The following LYPLAL1 variants were observed in gnomAD, a reference collection of about 807,000 sequenced individuals.
LYPLAL1 encodes lysophospholipase like 1, also known as lysophospholipase-like protein 1.
LYPLAL1 carries 23 observed loss-of-function variants against 19.7 expected under a neutral mutation model. The ratio of observed to expected loss-of-function variants is 1.17; its 90% confidence interval spans 0.84 to 1.65. LYPLAL1 has a LOEUF of 1.65. Among genes scored for constraint, LYPLAL1 ranks in the 40% most tolerant of loss-of-function variants. The probability of loss-of-function intolerance (pLI) is 0.00; values close to 1 mark genes in which losing one functional copy is unlikely to be tolerated. For synonymous variants in LYPLAL1, 119 were observed against 96.3 expected (o/e 1.24, Z -1.38); for missense variants, 355 against 279.4 (o/e 1.27, Z -1.93).
At chr1:219,185,144 C>T (rs541865108) in intron 2 of LYPLAL1, among the ~76,000 whole-genome samples, 8 of 151,954 alleles carry the variant, frequency 5.3e-5, no homozygotes, top group Middle Eastern at 3.4e-3. Flanking sequence ...TTGTATTTCT[C>T]ATGAAATTTG....
the LYPLAL1 span, among the ~76,000 whole-genome samples, chr1:219,399,780 A>T: frequency 6.6e-6 from 1 of 152,132 alleles, no homozygotes; most frequent in Non-Finnish European, 1.5e-5. Flanking sequence ...GACCAGCCCC[A>T]TCTGATGAGC....
At position 219,193,091 on chromosome 1, in the gene LYPLAL1, T is replaced by G; in HGVS notation, c.201T>G (p.Thr67=). Residue 67 remains threonine, a synonymous_variant, in exon 3 of 5, where the codon ACT becomes ACG. Coordinates refer to ENST00000366928, the MANE Select transcript of LYPLAL1 (RefSeq NM_138794.5). ...GGCGGTTGTTAAACAGATCATATAC[T>G]CCTATGAAAGGAGGAATCTCCAATG... ...IYPTAPPRSY[T]PMKGGISNVW... 6.4e-7 allele frequency: 1 copy of G among 1,565,946 alleles called. No individual in the cohort carries two copies. Among genetic ancestry groups the G allele is most frequent in the African/African-American group, 1.4e-5 (1 of 73,292 alleles).
intron 2 of LYPLAL1, among the ~76,000 whole-genome samples, chr1:219,180,484 T>G (rs1227243764): frequency 6.6e-6 from 1 of 152,200 alleles, no homozygotes; most frequent in Non-Finnish European, 1.5e-5. Context: ...TCAAAGGAGT[T>G]ATTATTTAAA....
the LYPLAL1 span, among the ~76,000 whole-genome samples, chr1:219,377,732 A>G: frequency 6.6e-6 from 1 of 152,132 alleles, no homozygotes; most frequent in African/African-American, 2.4e-5. Flanking sequence ...TTTTCTTTTT[A>G]TTTAAAGAAA....
At chr1:219,354,281 C>G in the LYPLAL1 span, among the ~76,000 whole-genome samples, 1 of 152,200 alleles carries the variant, frequency 6.6e-6, no homozygotes, top group Non-Finnish European at 1.5e-5. Context: ...ACTGGAACCT[C>G]CACCTCCCAG....
chr1:219,356,562 CA>C, the LYPLAL1 span, among the ~76,000 whole-genome samples: 1 of 152,054 alleles, frequency 6.6e-6, no homozygotes, highest in Non-Finnish European at 1.5e-5. Flanking sequence ...AAAATTAATC[CA>C]TTGCCTATTA....
chr1:219,353,147 C>T, the LYPLAL1 span, among the ~76,000 whole-genome samples: 1 of 152,122 alleles, frequency 6.6e-6, no homozygotes, highest in Non-Finnish European at 1.5e-5. Flanking sequence ...CAGATTTTTG[C>T]CTGGAGGCAT....
At chr1:219,366,006 C>T in the LYPLAL1 span, among the ~76,000 whole-genome samples, 1 of 152,088 alleles carries the variant, frequency 6.6e-6, no homozygotes, top group African/African-American at 2.4e-5. Flanking sequence ...GTGTATTGGA[C>T]CTTATCTCAG....
chr1:219,261,033 G>A, the LYPLAL1 span, among the ~76,000 whole-genome samples: 8 of 151,836 alleles, frequency 5.3e-5, no homozygotes, highest in African/African-American at 1.7e-4. Context: ...CATATCAAAA[G>A]CAATGAAAAA....
chr1:219,241,130 C>CTATATATATATATA, the LYPLAL1 span, among the ~76,000 whole-genome samples: 1 of 71,106 alleles, frequency 1.4e-5, no homozygotes. Flanking sequence ...CTCTCTCTCT[C>CTATATATATATATA]TCTCTATATA....
At chr1:219,200,683 C>CA in intron 3 of LYPLAL1, 1 of 244,426 alleles carries the variant, frequency 4.1e-6, no homozygotes, top group South Asian at 6.0e-5. Context: ...ACTCGGCAGC[C>CA]AAAAGAGCTA....
At chr1:219,211,451 G>T in intron 4 of LYPLAL1, 41 bp from the exon 5 acceptor site, 2 of 1,274,582 alleles carry the variant, frequency 1.6e-6, no homozygotes, top group South Asian at 2.8e-5. Flanking sequence ...ATCTTAAATG[G>T]AATTTCTTAA....
chr1:219,405,778 T>G, the LYPLAL1 span, among the ~76,000 whole-genome samples: 3 of 152,130 alleles, frequency 2.0e-5, no homozygotes, highest in Non-Finnish European at 4.4e-5. Context: ...TCAAAGACCT[T>G]CCAAGGCCAG....
the LYPLAL1 span, among the ~76,000 whole-genome samples, chr1:219,382,609 G>C: frequency 6.6e-6 from 1 of 152,000 alleles, no homozygotes; most frequent in African/African-American, 2.4e-5. Flanking sequence ...TGATCCACCA[G>C]CCTTGGCCTC....
At chr1:219,306,849 T>TAGATAGACAGACAGACAGAC in the LYPLAL1 span, among the ~76,000 whole-genome samples, 288 of 135,380 alleles carry the variant, frequency 2.1e-3, 2 homozygotes, top group Admixed American at 4.1e-3. Flanking sequence ...GATAGATAGA[T>TAGATAGACAGACAGACAGAC]AGACAGACAG....
the LYPLAL1 span, among the ~76,000 whole-genome samples, chr1:219,248,665 A>G: frequency 6.6e-6 from 1 of 152,118 alleles, no homozygotes; most frequent in African/African-American, 2.4e-5. Flanking sequence ...TTATTTGCAC[A>G]GAGACTGCAT....
chr1:219,312,173 A>G, the LYPLAL1 span, among the ~76,000 whole-genome samples: 3 of 152,138 alleles, frequency 2.0e-5, no homozygotes, highest in Non-Finnish European at 4.4e-5. Flanking sequence ...AGAAGGACAT[A>G]TTGCAGGAGG....
At chr1:219,353,515 C>T in the LYPLAL1 span, among the ~76,000 whole-genome samples, 3 of 152,296 alleles carry the variant, frequency 2.0e-5, no homozygotes, top group African/African-American at 7.2e-5. Context: ...TCTAGAACAT[C>T]AAAGGCATTT....
chr1:219,352,346 G>A, the LYPLAL1 span, among the ~76,000 whole-genome samples: 4 of 151,704 alleles, frequency 2.6e-5, no homozygotes, highest in East Asian at 1.9e-4. Context: ...GTGAAACCCC[G>A]TCTCTACTAA....
Sources: allele counts gnomAD v4.1 joint callset (sites outside exome capture counted in the v4.1 genomes callset), GRCh38; gene constraint gnomAD v4.1.1; transcripts MANE v1.5; gene names NCBI Gene and HGNC (gene_info 2026-07-23, HGNC 2026-07-21).